Variants in TEK observed in about 807,000 individuals in gnomAD.
TEK encodes the protein angiopoietin-1 receptor.
A neutral mutation model predicts 131.8 loss-of-function variants in TEK; 43 were observed. That is an observed-to-expected ratio of 0.33 (90% CI 0.26 to 0.42). The LOEUF (loss-of-function observed/expected upper bound fraction) is 0.42. TEK is among the 10% of genes least tolerant of loss of function. TEK has a pLI of 1.00. For missense variants in TEK, 1,162 were observed against 1,384.4 expected, an observed-to-expected ratio of 0.84 and a Z score of 2.55; for synonymous variants, 580 against 491.6, an observed-to-expected ratio of 1.18 and a Z score of -2.38.
intron 11 of TEK, among the ~76,000 whole-genome samples, chr9:27,196,882 C>CT (rs1825042539): frequency 7.7e-6 from 1 of 130,678 alleles, no homozygotes. Flanking sequence ...TTTTATTATA[C>CT]TTTAAGTTTT....
In TEK at chr9:27,203,173, G is replaced by C. The variant is rs1825282849; in HGVS notation, c.2209+54G>C. On this transcript the variant is annotated intron_variant, in intron 13 of 22. Coordinates refer to ENST00000380036, the MANE Select transcript of TEK (RefSeq NM_000459.5). ...GGATTACCGTGCAGCCCTATAGGCA[G>C]CTGGTTTATCAGGACAGGCCTGTGA... 3.8e-6 allele frequency: 6 copies of C among 1,597,300 alleles called. No individual in the cohort carries two copies. The South Asian group carries it at 6.6e-5, about 18-fold the overall frequency.
At chr9:27,114,367 C>T (rs585340) in intron 1 of TEK, among the ~76,000 whole-genome samples, 146,123 of 152,240 alleles carry the variant, frequency 0.96, 70,385 homozygotes, top group East Asian at 1. Context: ...GATCAGGAGT[C>T]CGAGACCAGC....
chr9:27,110,332 T>C (rs933303130), intron 1 of TEK, among the ~76,000 whole-genome samples: 19 of 152,152 alleles, frequency 1.2e-4, no homozygotes, highest in African/African-American at 4.6e-4. Flanking sequence ...CAGGAGAGTA[T>C]ATGAAGCCTG....
At chr9:27,125,146 C>A (rs1280757999) in intron 1 of TEK, among the ~76,000 whole-genome samples, 1 of 152,210 alleles carries the variant, frequency 6.6e-6, no homozygotes. Context: ...TCACACAAAC[C>A]ATCTGCCAAG....
intron 1 of TEK, among the ~76,000 whole-genome samples, chr9:27,111,597 T>C (rs1445941330): frequency 6.6e-6 from 1 of 151,698 alleles, no homozygotes; most frequent in East Asian, 1.9e-4. Flanking sequence ...TGTTTACCCA[T>C]AAGAGGGCTG....
chr9:27,206,042 AC>A (rs1409115326), intron 14 of TEK, among the ~76,000 whole-genome samples: 2 of 152,238 alleles, frequency 1.3e-5, no homozygotes, highest in Non-Finnish European at 2.9e-5. Context: ...AGAAAGAGAT[AC>A]TGTGTTGGGT....
intron 1 of TEK, among the ~76,000 whole-genome samples, chr9:27,144,662 C>T (rs1458209472): frequency 6.6e-6 from 1 of 152,090 alleles, no homozygotes; most frequent in Non-Finnish European, 1.5e-5. Flanking sequence ...AAATAGGTGG[C>T]ACACAATCAC....
chr9:27,193,316 C>T (rs1009736909), intron 11 of TEK, among the ~76,000 whole-genome samples: 1 of 152,126 alleles, frequency 6.6e-6, no homozygotes, highest in East Asian at 1.9e-4. Flanking sequence ...GGGCCTCGTC[C>T]CCAGAGTTTC....
chr9:27,207,280 A>G (rs1825432481), intron 15 of TEK, among the ~76,000 whole-genome samples: 1 of 152,198 alleles, frequency 6.6e-6, no homozygotes, highest in Non-Finnish European at 1.5e-5. Flanking sequence ...TCATAGGTTA[A>G]CTGTATATAA....
rs371441483 is a variant in TEK, at chr9:27,151,574, A to C, written c.53-6257A>C. 6.6e-5 allele frequency among the ~76,000 whole-genome samples: 10 copies of C among 152,294 alleles called. No individual in the cohort carries two copies. In the South Asian group the frequency reaches 1.9e-3, roughly 28 times the overall value. On this transcript the variant is annotated intron_variant, in intron 1 of 22. Transcript: ENST00000380036. ...CTAAAAGTCCACAAACCCTCCTTCA[A>C]AACAGTCAAGTCTGATAAAGTTTAC...
chr9:27,189,961 C>A (rs7038890), intron 9 of TEK, among the ~76,000 whole-genome samples: 11,311 of 152,086 alleles, frequency 0.074, 617 homozygotes, highest in African/African-American at 0.15. Context: ...CTAAAAATCA[C>A]CATGAAGGAA....
Position 27,109,628 on chromosome 9 carries a change from G to T in TEK, c.38G>T (p.Ser13Ile), listed in dbSNP as rs201171013. The change falls in exon 1 of 23, where the codon AGC (serine) becomes ATC (isoleucine). Residue 13 changes from serine (S) to isoleucine (I), a missense_variant. This residue lies in a region of TEK where 436 missense variants were observed against 539.1 expected (regional missense o/e 0.81). Transcript: ENST00000380036. Reference sequence around the variant, plus strand: ...GCCAGCTTAGTTCTCTGTGGAGTCAGCTTGCTCCTTTCTGGTAAGGTTTGG... The same window carrying T: ...GCCAGCTTAGTTCTCTGTGGAGTCATCTTGCTCCTTTCTGGTAAGGTTTGG... ...SLASLVLCGV[S>I]LLLSGTVEGA... 2.0e-5 allele frequency: 33 copies of T among 1,614,194 alleles called. No homozygotes were observed. The highest frequency in any genetic ancestry group is 2.8e-5 in the Non-Finnish European group (33 of 1,180,020).
intron 9 of TEK, among the ~76,000 whole-genome samples, chr9:27,190,311 A>G (rs1340227927): frequency 6.6e-6 from 1 of 152,140 alleles, no homozygotes; most frequent in Admixed American, 6.6e-5. Context: ...TCTTGAGCAA[A>G]GGGGCACATT....
intron 14 of TEK, among the ~76,000 whole-genome samples, chr9:27,206,120 G>A (rs1264177154): frequency 6.6e-6 from 1 of 152,214 alleles, no homozygotes. Context: ...TACTACGAGA[G>A]AGAAAGAGTG....
intron 11 of TEK, 36 bp from the exon 12 acceptor site, chr9:27,197,279 A>G: frequency 6.2e-7 from 1 of 1,605,832 alleles, no homozygotes; most frequent in Non-Finnish European, 8.5e-7. Flanking sequence ...TATATCAGCC[A>G]TATATAAAAA....
At chr9:27,186,476 G>A (rs1824603388) in intron 9 of TEK, among the ~76,000 whole-genome samples, 1 of 152,034 alleles carries the variant, frequency 6.6e-6, no homozygotes, top group Admixed American at 6.6e-5. Flanking sequence ...AGAATAATGA[G>A]AAGAAAAAAA....
At position 27,180,375 on chromosome 9, in the gene TEK, C is replaced by T. The variant is rs1455182865; in HGVS notation, c.1030+7C>T. The T allele has an allele frequency of 6.2e-7, 1 of 1,611,770 alleles. No homozygotes were observed. The highest frequency in any genetic ancestry group is 1.7e-5 in the Admixed American group (1 of 59,656). On this transcript the variant is annotated splice_region_variant and intron_variant, in intron 7 of 22. Coordinates refer to ENST00000380036, the MANE Select transcript of TEK (RefSeq NM_000459.5). ...CTCCAGTGTGAGAGAGAAGGTAAAG[C>T]AAGGTAACACTGTAGTCAGGGCCAT...
chr9:27,197,279 A>C (rs751700340), intron 11 of TEK, 36 bp from the exon 12 acceptor site: 1 of 1,605,832 alleles, frequency 6.2e-7, no homozygotes, highest in East Asian at 2.2e-5. Flanking sequence ...TATATCAGCC[A>C]TATATAAAAA....
chr9:27,137,817 C>A (rs1372590827), intron 1 of TEK, among the ~76,000 whole-genome samples: 1 of 151,954 alleles, frequency 6.6e-6, no homozygotes, highest in African/African-American at 2.4e-5. Flanking sequence ...TTTCTCTCTG[C>A]CTTTCCTGGT....
Sources: gnomAD v4.1 joint callset for allele counts (sites outside exome capture counted in the v4.1 genomes callset) on GRCh38, gnomAD v4.1.1 for gene constraint, gnomAD v4.1.1 regional missense constraint, MANE v1.5 for transcripts, NCBI Gene and HGNC (gene_info 2026-07-23, HGNC 2026-07-21) for gene names.